Variants in CSMD2 observed in about 807,000 individuals in gnomAD.
CSMD2 encodes CUB and Sushi multiple domains 2, also known as CUB and sushi domain-containing protein 2.
In CSMD2, 130 loss-of-function variants were observed where a neutral mutation model predicts 398.5. The ratio of observed to expected loss-of-function variants is 0.33; its 90% CI spans 0.28 to 0.38. The LOEUF (loss-of-function observed/expected upper bound fraction) is 0.38, where lower values mean the gene tolerates loss of function less well. CSMD2 is among the 10% of genes least tolerant of loss of function. The pLI is 1.00. For synonymous variants in CSMD2, 1,828 were observed against 1,908.5 expected (o/e 0.96, Z 1.10); for missense variants, 3,829 against 4,764.9 (o/e 0.80, Z 5.78).
At chr1:33,775,353 C>A (rs1025590604) in intron 12 of CSMD2, among the ~76,000 whole-genome samples, 6 of 152,080 alleles carry the variant, frequency 3.9e-5, no homozygotes, top group African/African-American at 1.4e-4. Context: ...GGATATTTTG[C>A]ACTAATATTA....
chr1:33,561,283 G>A (rs1042980739), intron 53 of CSMD2, among the ~76,000 whole-genome samples: 4 of 152,064 alleles, frequency 2.6e-5, no homozygotes, highest in Non-Finnish European at 4.4e-5. Flanking sequence ...GGACCACAGG[G>A]GTTCAAAGCA....
At chr1:33,713,776 C>T (rs1221693541) in intron 21 of CSMD2, among the ~76,000 whole-genome samples, 1 of 152,116 alleles carries the variant, frequency 6.6e-6, no homozygotes, top group Non-Finnish European at 1.5e-5. Context: ...TCCTCTGTTC[C>T]CTCTTCTCCC....
In CSMD2 at chr1:33,824,775, T is replaced by C. The variant is rs146549760; in HGVS notation, c.1111+922A>G. On this transcript the variant is annotated intron_variant, in intron 7 of 70. Coordinates refer to ENST00000373381, the MANE Select transcript of CSMD2 (RefSeq NM_001281956.2). ...ATGAGAAGAACGATGGAGCAGAAAG[T>C]GGCAAGAGGAGAAAAAGTGAAGGGA... Among the ~76,000 whole-genome samples, 382 of 150,764 alleles carry C rather than the reference T, an allele frequency of 2.5e-3. 3 individuals carry two copies. The highest frequency in any genetic ancestry group is 8.6e-3 in the African/African-American group (353 of 41,004).
At chr1:33,974,770 A>C (rs933748552) in intron 3 of CSMD2, among the ~76,000 whole-genome samples, 1 of 152,204 alleles carries the variant, frequency 6.6e-6, no homozygotes, top group Non-Finnish European at 1.5e-5. Context: ...TCAGGATCCA[A>C]TTCCTACATT....
chr1:34,066,986 T>C (rs1008462791), intron 2 of CSMD2, among the ~76,000 whole-genome samples: 1 of 152,142 alleles, frequency 6.6e-6, no homozygotes, highest in African/African-American at 2.4e-5. Context: ...GGCAAGCCTG[T>C]CATGCCCTCG....
chr1:33,894,844 G>T (rs1317665882), intron 5 of CSMD2, among the ~76,000 whole-genome samples: 1 of 152,110 alleles, frequency 6.6e-6, no homozygotes, highest in Non-Finnish European at 1.5e-5. Flanking sequence ...GGGCATCCGG[G>T]TCACTGACTG....
intron 5 of CSMD2, among the ~76,000 whole-genome samples, chr1:33,897,203 G>A (rs1642449552): frequency 6.6e-6 from 1 of 152,146 alleles, no homozygotes; most frequent in African/African-American, 2.4e-5. Context: ...GGTTTATGTG[G>A]ATTCAGATCC....
intron 6 of CSMD2, among the ~76,000 whole-genome samples, chr1:33,827,726 T>C (rs2125021771): frequency 6.6e-6 from 1 of 152,372 alleles, no homozygotes; most frequent in African/African-American, 2.4e-5. Context: ...CAACCTTGAC[T>C]GGTAGTTATT....
At chr1:33,953,891 T>C (rs1335566531) in intron 3 of CSMD2, among the ~76,000 whole-genome samples, 1 of 152,170 alleles carries the variant, frequency 6.6e-6, no homozygotes, top group Non-Finnish European at 1.5e-5. Context: ...TTCCCATGGA[T>C]AAGGGTACAA....
intron 9 of CSMD2, among the ~76,000 whole-genome samples, chr1:33,816,925 T>A (rs1444911064): frequency 6.6e-6 from 1 of 152,180 alleles, no homozygotes; most frequent in Non-Finnish European, 1.5e-5. Context: ...ATATTTTAAC[T>A]GCATTAAAGA....
chr1:33,569,803 C>T (rs762730469), intron 51 of CSMD2, among the ~76,000 whole-genome samples: 19 of 152,052 alleles, frequency 1.2e-4, no homozygotes, highest in Admixed American at 2.6e-4. Flanking sequence ...CAGATAGCGC[C>T]CTGGCCTGTG....
intron 15 of CSMD2, among the ~76,000 whole-genome samples, chr1:33,737,170 C>G (rs1646912932): frequency 6.6e-6 from 1 of 152,174 alleles, no homozygotes. Flanking sequence ...AATTCTACAG[C>G]TGGGAAGCAT....
chr1:33,632,537 G>A (rs897734201), intron 32 of CSMD2, among the ~76,000 whole-genome samples: 3 of 151,794 alleles, frequency 2.0e-5, no homozygotes, highest in South Asian at 2.1e-4. Context: ...AATAAAACAA[G>A]GCAAATTAGA....
chr1:33,891,901 G>A (rs954887464), intron 5 of CSMD2, among the ~76,000 whole-genome samples: 1 of 107,162 alleles, frequency 9.3e-6, no homozygotes, highest in Admixed American at 1.2e-4. Context: ...GACTGTTGTG[G>A]GGTGGGGGGA....
rs557416347 is a variant in CSMD2 at position 33,520,258 on chromosome 1, G to A, written c.10598-308C>T. On this transcript the variant is annotated intron_variant, in intron 68 of 70. Coordinates refer to ENST00000373381, the MANE Select transcript of CSMD2 (RefSeq NM_001281956.2). ...CTTACAAGGGTGCAGCCCTTTAGAAGTCTCTAAAGTTCTTTTGGCTGTAGC... is the reference window on the plus strand; with the variant it reads ...CTTACAAGGGTGCAGCCCTTTAGAAATCTCTAAAGTTCTTTTGGCTGTAGC... 1.6e-3 allele frequency among the ~76,000 whole-genome samples: 241 copies of A among 152,376 alleles called. 1 individual carries two copies. Among genetic ancestry groups the A allele is most frequent in the African/African-American group, 5.3e-3 (222 of 41,596 alleles).
At chr1:33,615,291 T>C (rs988071561) in intron 39 of CSMD2, among the ~76,000 whole-genome samples, 2 of 152,162 alleles carry the variant, frequency 1.3e-5, no homozygotes, top group South Asian at 4.1e-4. Context: ...ACCCCTGCAG[T>C]CTGGTCAGTT....
Position 33,623,418 on chromosome 1 carries a change from C to T in CSMD2, c.5674G>A (p.Val1892Ile). 6.2e-7 allele frequency: 1 copy of T among 1,614,200 alleles called. No individual in the cohort carries two copies. The highest frequency in any genetic ancestry group is 8.5e-7 in the Non-Finnish European group (1 of 1,180,028). ...ACAGTGTTATCTGCACCATCAAATA[C>T]TTCCAGCGAGTCCCAGTTCTGCTCT... Reference protein sequence around the residue: ...VTEQNWDSLEVFDGADNTVTM... With the variant: ...VTEQNWDSLEIFDGADNTVTM... The change falls in exon 36 of 71, where the codon GTA becomes ATA. Residue 1892 changes from valine to isoleucine, a missense_variant. Physicochemically the swap from Val to Ile is conservative, Grantham distance 29 (BLOSUM62 3). This residue lies in a region of CSMD2 where 2,001 missense variants were observed against 2,567.1 expected (regional missense o/e 0.78). Transcript: ENST00000373381.
chr1:33,646,577 C>T (rs373246630), intron 29 of CSMD2, 71 bp downstream of exon 29: 174 of 1,531,822 alleles, frequency 1.1e-4, no homozygotes, highest in East Asian at 2.9e-4. Flanking sequence ...CTCCTCACTA[C>T]GCTACACTAC....
chr1:33,854,817 T>A (rs1006589923), intron 5 of CSMD2, among the ~76,000 whole-genome samples: 17 of 152,290 alleles, frequency 1.1e-4, no homozygotes, highest in African/African-American at 4.1e-4. Flanking sequence ...GGAGGACACA[T>A]GTCTGAGGCT....
Sources: gnomAD v4.1 joint callset for allele counts (sites outside exome capture counted in the v4.1 genomes callset) on GRCh38, gnomAD v4.1.1 for gene constraint, gnomAD v4.1.1 regional missense constraint, MANE v1.5 for transcripts, NCBI Gene and HGNC (gene_info 2026-07-23, HGNC 2026-07-21) for gene names.